UCHL3: variants seen among roughly 807,000 people sequenced by gnomAD.
UCHL3 encodes ubiquitin carboxyl-terminal hydrolase isozyme L3.
Under a neutral mutation model 35.8 loss-of-function variants are expected in UCHL3, and 22 were observed. The observed-to-expected ratio is 0.61, with a 90% CI of 0.44 to 0.88. The LOEUF (loss-of-function observed/expected upper bound fraction) is 0.88. Ranked by LOEUF, UCHL3 falls within the 40% of genes least tolerant of loss-of-function variation. UCHL3 has a pLI of 0.00. For synonymous variants in UCHL3, 90 were observed against 92.8 expected, an observed-to-expected ratio of 0.97 and a Z score of 0.17; for missense variants, 229 against 276.9, an observed-to-expected ratio of 0.83 and a Z score of 1.23.
At chr13:75,605,341 C>G (rs1378842079) in intron 8 of UCHL3, among the ~76,000 whole-genome samples, 1 of 152,106 alleles carries the variant, frequency 6.6e-6, no homozygotes, top group Non-Finnish European at 1.5e-5. Flanking sequence ...AACCCCATCT[C>G]TACTAAAAAT....
At chr13:75,564,312 G>A (rs886216320) in intron 3 of UCHL3, among the ~76,000 whole-genome samples, 2 of 151,896 alleles carry the variant, frequency 1.3e-5, no homozygotes, top group Non-Finnish European at 2.9e-5. Context: ...CACCACGCCC[G>A]GCTTATTTTT....
chr13:75,580,065 A>C (rs115472491), intron 6 of UCHL3, among the ~76,000 whole-genome samples: 2,091 of 152,304 alleles, frequency 0.014, 65 homozygotes, highest in African/African-American at 0.048. Flanking sequence ...AAGTCTTTTT[A>C]GAATATCTTG....
Position 75,594,901 on chromosome 13 carries a change from C to G in UCHL3, c.475-14C>G, listed in dbSNP as rs768466758. ...ACTAATGTATATAATACCTATTTTT[C>G]CCTCCTATTCCAGGCACCAAGTATA... On this transcript the variant is annotated splice_polypyrimidine_tract_variant and intron_variant, in intron 6 of 8. Coordinates refer to ENST00000377595, the MANE Select transcript of UCHL3 (RefSeq NM_006002.5). 1.9e-6 allele frequency: 3 copies of G among 1,596,518 alleles called. No homozygotes were observed. The South Asian group carries it at 3.4e-5, about 18-fold the overall frequency.
At chr13:75,568,795 A>C (rs1394859325) in intron 5 of UCHL3, among the ~76,000 whole-genome samples, 1 of 152,094 alleles carries the variant, frequency 6.6e-6, no homozygotes, top group African/African-American at 2.4e-5. Context: ...CCTAGAAGAG[A>C]AGTTGCTGGA....
upstream of UCHL3, chr13:75,549,790 T>C (rs1218368249): frequency 1.3e-5 from 19 of 1,490,164 alleles, no homozygotes; most frequent in Non-Finnish European, 1.7e-5. Flanking sequence ...AGGCGGCGGC[T>C]GTCAGAGCTG....
At chr13:75,602,690 T>C (rs1406737021) in intron 7 of UCHL3, among the ~76,000 whole-genome samples, 1 of 152,222 alleles carries the variant, frequency 6.6e-6, no homozygotes, top group Non-Finnish European at 1.5e-5. Flanking sequence ...GTAAATATTT[T>C]AGGTTTTGTG....
chr13:75,597,653 G>A (rs542485570), intron 7 of UCHL3, among the ~76,000 whole-genome samples: 1 of 152,288 alleles, frequency 6.6e-6, no homozygotes, highest in African/African-American at 2.4e-5. Context: ...CATTTAGGTA[G>A]AGTATGTCAA....
Position 75,595,034 on chromosome 13 carries a change from G to C in UCHL3, c.550+44G>C, listed in dbSNP as rs778702953. ...TGTCCTGGGGAGAGAAATGGTAAATGGGAAAGTCTCTACTTATGATAAACA... is the reference window on the plus strand; with the variant it reads ...TGTCCTGGGGAGAGAAATGGTAAATCGGAAAGTCTCTACTTATGATAAACA... On this transcript the variant is annotated intron_variant, in intron 7 of 8. Coordinates refer to ENST00000377595, the MANE Select transcript of UCHL3 (RefSeq NM_006002.5). The C allele has an allele frequency of 4.2e-6, 6 of 1,415,676 alleles. No individual in the cohort carries two copies. The Admixed American group carries it at 1.4e-4, about 33-fold the overall frequency. 87.7% of individuals were successfully genotyped at this position (1,415,676 alleles called of 1,614,324 possible). A position where few individuals can be genotyped will look rare whatever the true frequency, so the allele number is the denominator to read the frequency against.
chr13:75,576,322 C>T (rs1168795588), intron 6 of UCHL3, among the ~76,000 whole-genome samples: 1 of 152,174 alleles, frequency 6.6e-6, no homozygotes, highest in Non-Finnish European at 1.5e-5. Flanking sequence ...GTCTGCCTCC[C>T]AGGTTCAAGC....
intron 3 of UCHL3, among the ~76,000 whole-genome samples, chr13:75,563,857 T>C (rs983004330): frequency 2.4e-4 from 36 of 151,994 alleles, no homozygotes; most frequent in Admixed American, 1.4e-3. Context: ...TAGTATAATG[T>C]CCTTCAGGTT....
chr13:75,593,014 C>G (rs2032554242), intron 6 of UCHL3, among the ~76,000 whole-genome samples: 1 of 152,074 alleles, frequency 6.6e-6, no homozygotes, highest in Non-Finnish European at 1.5e-5. Context: ...AGTTGTACTA[C>G]TTTTACCTCT....
chr13:75,550,802 A>G (rs2031073956), intron 2 of UCHL3, among the ~76,000 whole-genome samples: 1 of 145,488 alleles, frequency 6.9e-6, no homozygotes, highest in East Asian at 2.0e-4. Context: ...TACCTCCACT[A>G]TCTTCCTTCT....
chr13:75,576,547 G>C (rs1009053432), intron 6 of UCHL3, among the ~76,000 whole-genome samples: 2 of 152,020 alleles, frequency 1.3e-5, no homozygotes, highest in African/African-American at 2.4e-5. Context: ...GTAGAGACAG[G>C]GTTTCACAGT....
intron 2 of UCHL3, among the ~76,000 whole-genome samples, chr13:75,556,519 C>T (rs2031297490): frequency 6.6e-6 from 1 of 152,046 alleles, no homozygotes; most frequent in African/African-American, 2.4e-5. Flanking sequence ...GAGGAAGTGG[C>T]TTTAAGAACA....
In UCHL3 at chr13:75,565,880, C is replaced by A. The variant is rs2031667337; in HGVS notation, c.184-815C>A. 2.6e-5 allele frequency among the ~76,000 whole-genome samples: 4 copies of A among 152,294 alleles called. No homozygotes were observed. In the South Asian group the frequency reaches 8.3e-4, roughly 32 times the overall value. On this transcript the variant is annotated intron_variant, in intron 3 of 8. Transcript: ENST00000377595. ...CATTAAATAATTTGCTAAAGTCACACAGCTAATAACAGCTGAGCCAGGACG... is the reference window on the plus strand; with the variant it reads ...CATTAAATAATTTGCTAAAGTCACAAAGCTAATAACAGCTGAGCCAGGACG...
chr13:75,592,457 T>A (rs372969830), intron 6 of UCHL3, among the ~76,000 whole-genome samples: 1 of 106,632 alleles, frequency 9.4e-6, no homozygotes. Context: ...TATATATATA[T>A]ATATATATAT....
chr13:75,605,667 T>A (rs1312213761), intron 8 of UCHL3, 62 bp from the exon 9 acceptor site: 23 of 1,484,226 alleles, frequency 1.5e-5, no homozygotes, highest in Non-Finnish European at 2.0e-5. Context: ...TATGAAATGT[T>A]TATCATTTGT....
At chr13:75,572,027 T>TGTCTTG (rs71127558) in intron 6 of UCHL3, among the ~76,000 whole-genome samples, 3 of 151,846 alleles carry the variant, frequency 2.0e-5, no homozygotes, top group African/African-American at 7.3e-5. Context: ...TGTCTTGTCT[T>TGTCTTG]TACTTTTCCT....
intron 7 of UCHL3, among the ~76,000 whole-genome samples, chr13:75,603,509 A>G (rs1334261908): frequency 6.6e-6 from 1 of 152,092 alleles, no homozygotes; most frequent in African/African-American, 2.4e-5. Context: ...AAAAATATAT[A>G]TTAATTTATA....
Sources: allele counts gnomAD v4.1 joint callset (sites outside exome capture counted in the v4.1 genomes callset), GRCh38; gene constraint gnomAD v4.1.1; transcripts MANE v1.5; gene names NCBI Gene and HGNC (gene_info 2026-07-23, HGNC 2026-07-21).